Variants in AMY2B observed in about 807,000 individuals in gnomAD.
The protein encoded by AMY2B is alpha-amylase 2B.
In AMY2B, 63 loss-of-function variants were observed where a neutral mutation model predicts 59.3. The ratio of observed to expected loss-of-function variants is 1.06; its 90% CI spans 0.87 to 1.31. The LOEUF is 1.31. AMY2B is among the 50% of genes most tolerant of loss of function. The pLI, the probability that AMY2B is intolerant of heterozygous loss-of-function variation, is 0.00. For missense variants in AMY2B, 635 were observed against 626.7 expected (o/e 1.01, Z -0.14); for synonymous variants, 180 against 198.1 (o/e 0.91, Z 0.77).
intron 7 of AMY2B, chr1:103,575,761 C>T (rs1392847126): frequency 3.3e-6 from 2 of 613,804 alleles, no homozygotes; most frequent in South Asian, 3.1e-5. Context: ...TGATAAACAT[C>T]CCCCTAGCCC....
In AMY2B at chr1:103,572,186, A is replaced by C; in HGVS notation, c.245A>C (p.Tyr82Ser). The C allele has an allele frequency of 6.2e-7, 1 of 1,611,744 alleles. No individual in the cohort carries two copies. The highest frequency in any genetic ancestry group is 8.5e-7 in the Non-Finnish European group (1 of 1,179,702). ...PWWERYQPVSYKLCTRSGNED... is the reference protein window; with the variant it reads ...PWWERYQPVSSKLCTRSGNED... ...TGGGAAAGATACCAACCAGTTAGCT[A>C]TAAATTATGCACAAGATCTGGAAAT... is the stretch of plus-strand genomic sequence containing the variant. The change falls in exon 2 of 10, where the codon TAT becomes TCT. Residue 82 changes from tyrosine to serine, a missense_variant. Coordinates refer to ENST00000684275, the MANE Select transcript of AMY2B (RefSeq NM_001387437.1).
At position 103,575,231 on chromosome 1, in the gene AMY2B, G is replaced by A. The variant is rs544350905; in HGVS notation, c.887G>A (p.Gly296Glu). ...GEKMSYLKNW[G>E]EGWGFMPSDR... Reference sequence around the variant, plus strand: ...TTATTTTTCAAAAATAGGAACTGGGGAGAAGGTTGGGGTTTCATGCCTTCT... The same window carrying A: ...TTATTTTTCAAAAATAGGAACTGGGAAGAAGGTTGGGGTTTCATGCCTTCT... The change falls in exon 6 of 10, where the codon GGA becomes GAA. Residue 296 changes from glycine (G) to glutamate (E), a missense_variant. Gly to Glu is a moderately conservative substitution (Grantham distance 98). Transcript: ENST00000684275. 8.4e-5 allele frequency: 135 copies of A among 1,613,584 alleles called. 1 individual carries two copies. The South Asian group carries it at 1.4e-3, about 17-fold the overall frequency.
chr1:103,575,251 C>T lies in AMY2B; in HGVS notation c.907C>T (p.Pro303Ser). 6.2e-7 allele frequency: 1 copy of T among 1,613,468 alleles called. No individual in the cohort carries two copies. Among genetic ancestry groups the T allele is most frequent in the Non-Finnish European group, 8.5e-7 (1 of 1,179,640 alleles). The change falls in exon 6 of 10, where the codon CCT becomes TCT. Residue 303 changes from proline (P) to serine (S), a missense_variant. By Grantham distance (74) the Pro-to-Ser change is moderately conservative. Transcript: ENST00000684275. Reference protein sequence around the residue: ...KNWGEGWGFMPSDRALVFVDN... With the variant: ...KNWGEGWGFMSSDRALVFVDN... Reference sequence around the variant, plus strand: ...CTGGGGAGAAGGTTGGGGTTTCATGCCTTCTGACAGAGCACTTGTCTTTGT... The same window carrying T: ...CTGGGGAGAAGGTTGGGGTTTCATGTCTTCTGACAGAGCACTTGTCTTTGT...
intron 4 of AMY2B, 151 bp from the exon 5 acceptor site, chr1:103,574,109 A>C: frequency 6.8e-7 from 1 of 1,475,862 alleles, no homozygotes; most frequent in Non-Finnish European, 9.0e-7. Flanking sequence ...TCACAAACAA[A>C]ACAAAACAAG....
upstream of AMY2B, chr1:103,571,358 TG>T (rs1325854253): frequency 9.5e-7 from 1 of 1,052,204 alleles, no homozygotes; most frequent in African/African-American, 1.6e-5. Context: ...TCATTGTGTA[TG>T]GAAAAATAAA....
At chr1:103,564,526 T>C (rs564724530) in intron 1 of AMY2B, among the ~76,000 whole-genome samples, 28 of 152,296 alleles carry the variant, frequency 1.8e-4, no homozygotes, top group Non-Finnish European at 3.7e-4. Context: ...CACCTCTTTA[T>C]TATCTCCTTC....
upstream of AMY2B, chr1:103,569,396 TTGTGTGTGTGTG>T (rs58457409): frequency 5.3e-5 from 8 of 151,000 alleles, no homozygotes; most frequent in Non-Finnish European, 8.5e-5. Flanking sequence ...TTATGTGGGT[TTGTGTGTGTGTG>T]TGTGTGTGTG....
upstream of AMY2B, chr1:103,569,701 G>T: frequency 2.5e-6 from 1 of 401,354 alleles, no homozygotes; most frequent in South Asian, 2.1e-5. Flanking sequence ...GGGCCAGAGG[G>T]ACTCCTATGT....
At chr1:103,560,219 A>G (rs372629811) in intron 1 of AMY2B, among the ~76,000 whole-genome samples, 1 of 152,252 alleles carries the variant, frequency 6.6e-6, no homozygotes, top group Middle Eastern at 3.4e-3. Context: ...AGATTTCCCT[A>G]TTATTGTACT....
intron 1 of AMY2B, among the ~76,000 whole-genome samples, chr1:103,562,942 G>A (rs1244838236): frequency 2.6e-5 from 4 of 151,928 alleles, no homozygotes; most frequent in Admixed American, 1.3e-4. Context: ...GGTACTTGAT[G>A]TGTCAAGAGG....
chr1:103,578,824 AT>A (rs1181724393), intron 9 of AMY2B, among the ~76,000 whole-genome samples: 14 of 133,146 alleles, frequency 1.1e-4, no homozygotes, highest in South Asian at 2.5e-4. Context: ...CCCTTTAAAA[AT>A]TTTTTTTTAA....
chr1:103,569,648 T>C, upstream of AMY2B: 1 of 393,430 alleles, frequency 2.5e-6, no homozygotes, highest in Non-Finnish European at 5.1e-6. Context: ...CATGTTTCCT[T>C]CCATCATCGG....
At chr1:103,566,052 G>A (rs1290901531) in intron 2 of AMY2B, among the ~76,000 whole-genome samples, 1 of 152,042 alleles carries the variant, frequency 6.6e-6, no homozygotes, top group African/African-American at 2.4e-5. Context: ...CCTCACACTT[G>A]ACTTGTTTCT....
chr1:103,555,503 C>T (rs974069575), intron 1 of AMY2B, among the ~76,000 whole-genome samples: 1 of 151,880 alleles, frequency 6.6e-6, no homozygotes, highest in Admixed American at 6.6e-5. Flanking sequence ...AAATTTGTAT[C>T]CTTGCTGTAA....
intron 7 of AMY2B, among the ~76,000 whole-genome samples, chr1:103,576,116 T>C (rs775698580): frequency 2.6e-5 from 4 of 152,100 alleles, no homozygotes; most frequent in South Asian, 2.1e-4. Context: ...GTAAAGACAT[T>C]TATCTGATGA....
At chr1:103,557,291 G>A (rs563131954) in intron 1 of AMY2B, among the ~76,000 whole-genome samples, 86 of 152,186 alleles carry the variant, frequency 5.7e-4, no homozygotes, top group African/African-American at 2.0e-3. Context: ...AGTAAGACTG[G>A]AACATCTGTG....
intron 1 of AMY2B, among the ~76,000 whole-genome samples, chr1:103,559,650 A>C (rs1388276341): frequency 6.6e-6 from 1 of 152,214 alleles, no homozygotes; most frequent in African/African-American, 2.4e-5. Flanking sequence ...AAATAATAAA[A>C]GCAAAAGAAG....
In AMY2B at chr1:103,577,344, T is replaced by C. The variant is rs993042986; in HGVS notation, c.1102-146T>C. ...AGATGATGAAGACCCAGTAAAGGGC[T>C]ATAAAAATTATTGAAGGCATTGGAT... is the stretch of plus-strand genomic sequence containing the variant. On this transcript the variant is annotated intron_variant, in intron 7 of 9. Coordinates refer to ENST00000684275, the MANE Select transcript of AMY2B (RefSeq NM_001387437.1). 4.2e-6 allele frequency: 6 copies of C among 1,439,120 alleles called. No homozygotes were observed. The African/African-American group carries it at 5.7e-5, about 14-fold the overall frequency. The allele number at this position is 1,439,120 out of a possible 1,614,324, so 89.1% of individuals were successfully genotyped here. A position where few individuals can be genotyped will look rare whatever the true frequency, so the allele number is the denominator to read the frequency against.
chr1:103,574,115 A>G (rs1400117025), intron 4 of AMY2B, 145 bp from the exon 5 acceptor site: 2 of 1,474,836 alleles, frequency 1.4e-6, no homozygotes, highest in African/African-American at 2.9e-5. Flanking sequence ...ACAAAACAAA[A>G]CAAGACAAAA....
Sources: allele counts gnomAD v4.1 joint callset (sites outside exome capture counted in the v4.1 genomes callset), GRCh38; gene constraint gnomAD v4.1.1; transcripts MANE v1.5; gene names NCBI Gene and HGNC (gene_info 2026-07-23, HGNC 2026-07-21).